GRIN2A: variants seen among roughly 807,000 people sequenced by gnomAD.
GRIN2A encodes the protein glutamate receptor ionotropic, NMDA 2A.
In GRIN2A, 22 loss-of-function variants were observed where a neutral mutation model predicts 113.4. That is an observed-to-expected ratio of 0.19 (90% CI 0.14 to 0.28). The LOEUF (loss-of-function observed/expected upper bound fraction) is 0.28. GRIN2A is among the 10% of genes least tolerant of loss of function. The pLI is 1.00. For missense variants in GRIN2A, 1,502 were observed against 1,887.0 expected, an observed-to-expected ratio of 0.80 and a Z score of 3.78; for synonymous variants, 827 against 738.4, an observed-to-expected ratio of 1.12 and a Z score of -1.94.
At chr16:9,777,826 G>C (rs1231131291) in intron 11 of GRIN2A, among the ~76,000 whole-genome samples, 1 of 152,246 alleles carries the variant, frequency 6.6e-6, no homozygotes, top group Non-Finnish European at 1.5e-5. Flanking sequence ...CACTCTGGGA[G>C]GCCGAGGCAC....
At chr16:10,112,972 A>T (rs528856767) in intron 2 of GRIN2A, 22 of 348,334 alleles carry the variant, frequency 6.3e-5, no homozygotes, top group African/African-American at 4.7e-4. Flanking sequence ...AGTGGTCCAC[A>T]GATTTGCACT....
chr16:10,110,292 G>A (rs961474178), intron 2 of GRIN2A, among the ~76,000 whole-genome samples: 1 of 152,214 alleles, frequency 6.6e-6, no homozygotes, highest in East Asian at 1.9e-4. Context: ...CGAGTTAGGG[G>A]AACGTGGTAA....
intron 2 of GRIN2A, among the ~76,000 whole-genome samples, chr16:10,094,362 T>A (rs1393884591): frequency 6.6e-6 from 1 of 152,210 alleles, no homozygotes; most frequent in African/African-American, 2.4e-5. Context: ...AATAACAGCT[T>A]CTTCATCTAT....
chr16:9,970,041 C>G (rs912146483), intron 2 of GRIN2A, among the ~76,000 whole-genome samples: 6 of 152,230 alleles, frequency 3.9e-5, no homozygotes, highest in Non-Finnish European at 5.9e-5. Flanking sequence ...AAGAATCACA[C>G]TCTAGGTAGA....
rs1567274581 is a variant in GRIN2A, at chr16:9,762,958, C to T, written c.*191G>A. 3.1e-6 allele frequency: 2 copies of T among 640,720 alleles called. No individual in the cohort carries two copies. Among genetic ancestry groups the T allele is most frequent in the East Asian group, 2.7e-5 (1 of 36,800 alleles). 39.7% of individuals were successfully genotyped at this position (640,720 alleles called of 1,614,324 possible). Reference sequence around the variant, plus strand: ...TGGTGTCTGCCATGCTCAGCACACACCTCACAAGATTCCTTGAGTGGAAGA... The same window carrying T: ...TGGTGTCTGCCATGCTCAGCACACATCTCACAAGATTCCTTGAGTGGAAGA... On this transcript the variant is annotated 3_prime_UTR_variant, in exon 13 of 13. Transcript: ENST00000330684.
chr16:9,903,072 G>A (rs552224267), intron 3 of GRIN2A, among the ~76,000 whole-genome samples: 1 of 151,220 alleles, frequency 6.6e-6, no homozygotes, highest in Non-Finnish European at 1.5e-5. Flanking sequence ...GGATTCAAGC[G>A]ATTCACCTGC....
intron 4 of GRIN2A, among the ~76,000 whole-genome samples, chr16:9,866,987 A>T (rs1352925900): frequency 6.6e-6 from 1 of 152,214 alleles, no homozygotes. Flanking sequence ...CTCCAGCGTC[A>T]TCCCTGGTCT....
intron 2 of GRIN2A, among the ~76,000 whole-genome samples, chr16:9,990,232 C>T (rs928404107): frequency 6.6e-6 from 1 of 152,114 alleles, no homozygotes; most frequent in Non-Finnish European, 1.5e-5. Flanking sequence ...TCCTTTCCAG[C>T]AGTATGGATG....
At chr16:9,999,597 G>A (rs1487205529) in intron 2 of GRIN2A, among the ~76,000 whole-genome samples, 2 of 152,060 alleles carry the variant, frequency 1.3e-5, no homozygotes, top group Non-Finnish European at 2.9e-5. Context: ...GTCAGGGGTT[G>A]GGGGCTAGGG....
At chr16:10,136,367 T>C (rs2049190952) in intron 2 of GRIN2A, among the ~76,000 whole-genome samples, 2 of 152,108 alleles carry the variant, frequency 1.3e-5, no homozygotes, top group Non-Finnish European at 2.9e-5. Flanking sequence ...AACAAAAACT[T>C]CAAGGAGGAG....
At chr16:9,934,320 T>C (rs1413467426) in intron 3 of GRIN2A, among the ~76,000 whole-genome samples, 1 of 152,210 alleles carries the variant, frequency 6.6e-6, no homozygotes, top group African/African-American at 2.4e-5. Flanking sequence ...ATATCTTAAT[T>C]CATCTATGTA....
chr16:9,793,117 T>C (rs1902722969), intron 11 of GRIN2A, among the ~76,000 whole-genome samples: 1 of 152,210 alleles, frequency 6.6e-6, no homozygotes, highest in South Asian at 2.1e-4. Context: ...TGGAGCCTCA[T>C]TTTCCTGCTT....
intron 2 of GRIN2A, among the ~76,000 whole-genome samples, chr16:10,106,187 G>GT (rs61465655): frequency 1.3e-3 from 177 of 139,310 alleles, no homozygotes; most frequent in African/African-American, 3.0e-3. Flanking sequence ...AAGTGAAAGA[G>GT]TTTTTTTTTT....
intron 2 of GRIN2A, among the ~76,000 whole-genome samples, chr16:9,973,383 G>C (rs1489604631): frequency 1.3e-5 from 2 of 152,172 alleles, no homozygotes; most frequent in African/African-American, 4.8e-5. Context: ...AGGACAACTT[G>C]GAGGTTAGAA....
rs1555455615 is a variant in GRIN2A at position 9,938,107 on chromosome 16, T to C, written c.859A>G (p.Ser287Gly). 1 of 1,614,080 alleles carries C rather than the reference T, an allele frequency of 6.2e-7. No individual in the cohort carries two copies. Among genetic ancestry groups the C allele is most frequent in the Admixed American group, 1.7e-5 (1 of 60,030 alleles). ...CCGTCCCTCACTCTCGCCTCCAGGCTGTAGTCCCAGTCATCGTAGGAGACA... is the reference window on the plus strand; with the variant it reads ...CCGTCCCTCACTCTCGCCTCCAGGCCGTAGTCCCAGTCATCGTAGGAGACA... The part of the protein sequence containing the change: ...ISVSYDDWDY[S>G]LEARVRDGIG... Residue 287 changes from serine (S) to glycine (G), a missense_variant, in exon 3 of 13, where the codon AGC becomes GGC. Physicochemically the swap from Ser to Gly is moderately conservative, Grantham distance 56 (BLOSUM62 0). This residue lies in a region of GRIN2A where 334 missense variants were observed against 403.0 expected (regional missense o/e 0.83). Transcript: ENST00000330684.
At chr16:10,061,054 C>T (rs1337395487) in intron 2 of GRIN2A, among the ~76,000 whole-genome samples, 2 of 152,146 alleles carry the variant, frequency 1.3e-5, no homozygotes, top group Non-Finnish European at 2.9e-5. Context: ...CAGAGATGAC[C>T]AACAATAGAC....
At chr16:10,008,146 G>A (rs1269520478) in intron 2 of GRIN2A, among the ~76,000 whole-genome samples, 1 of 152,074 alleles carries the variant, frequency 6.6e-6, no homozygotes, top group Non-Finnish European at 1.5e-5. Flanking sequence ...AGGTATTGGA[G>A]ATCTGTCCTC....
intron 2 of GRIN2A, among the ~76,000 whole-genome samples, chr16:9,971,151 C>A (rs570078650): frequency 6.6e-6 from 1 of 152,318 alleles, no homozygotes; most frequent in South Asian, 2.1e-4. Context: ...TTCTGTTATT[C>A]TTCCCATTGA....
intron 2 of GRIN2A, among the ~76,000 whole-genome samples, chr16:9,959,683 A>G (rs2045391706): frequency 6.6e-6 from 1 of 152,210 alleles, no homozygotes; most frequent in Admixed American, 6.5e-5. Context: ...TGTACTAATT[A>G]AAAACATTGG....
Sources: gnomAD v4.1 joint callset for allele counts (sites outside exome capture counted in the v4.1 genomes callset) on GRCh38, gnomAD v4.1.1 for gene constraint, gnomAD v4.1.1 regional missense constraint, MANE v1.5 for transcripts, NCBI Gene and HGNC (gene_info 2026-07-23, HGNC 2026-07-21) for gene names.